The following AOPEP variants were observed in gnomAD, a reference collection of about 807,000 sequenced individuals.
AOPEP encodes aminopeptidase O (putative).
Under a neutral mutation model 98.1 loss-of-function variants are expected in AOPEP, and 77 were observed. That is an observed-to-expected ratio of 0.78 (90% CI 0.65 to 0.95). The LOEUF is 0.95. Among genes scored for constraint, AOPEP ranks in the 40% least tolerant of loss-of-function variants. The pLI is 0.00. For synonymous variants in AOPEP, 346 were observed against 365.3 expected (o/e 0.95, Z 0.60); for missense variants, 1,024 against 1,024.7 (o/e 1.00, Z 0.01).
At chr9:94,967,918 C>A in intron 10 of AOPEP, 117 bp downstream of exon 10, 2 of 851,936 alleles carry the variant, frequency 2.3e-6, no homozygotes, top group East Asian at 2.5e-5. Flanking sequence ...CTAATAGAGG[C>A]AAGGACCTAG....
chr9:94,972,505 T>A lies in AOPEP; in HGVS notation c.1916+4704T>A, dbSNP rs536029488. On this transcript the variant is annotated intron_variant, in intron 10 of 16. Transcript: ENST00000375315. The surrounding 1 kb of genome is among the most constrained non-coding windows in gnomAD (Gnocchi z 4.2). ...ACTTCTTTCCTTGCCCATCAGTTAC[T>A]GTGTTTGTGTGTGCATGTTCCTGTG... is the stretch of plus-strand genomic sequence containing the variant. Among the ~76,000 whole-genome samples the A allele has an allele frequency of 7.2e-5, 11 of 152,224 alleles. No individual in the cohort carries two copies. The highest frequency in any genetic ancestry group is 1.3e-4 in the Non-Finnish European group (9 of 68,044).
chr9:94,822,002 C>CAG (rs1441171381), intron 5 of AOPEP, among the ~76,000 whole-genome samples: 1 of 148,264 alleles, frequency 6.7e-6, no homozygotes, highest in African/African-American at 2.4e-5. Flanking sequence ...CACACACACA[C>CAG]ACACACACAC....
chr9:95,042,600 C>G (rs1333016787), intron 13 of AOPEP, among the ~76,000 whole-genome samples: 2 of 152,182 alleles, frequency 1.3e-5, no homozygotes, highest in Admixed American at 6.5e-5. Context: ...TCTGTAGGCT[C>G]TAGGAGAGAA....
chr9:94,847,161 G>C (rs71491737), intron 5 of AOPEP, among the ~76,000 whole-genome samples: 4,227 of 138,566 alleles, frequency 0.031, 90 homozygotes, highest in East Asian at 0.067. Flanking sequence ...CACTCTCTCT[G>C]TCTCTCTCTC....
chr9:94,933,841 A>G (rs906943927), intron 7 of AOPEP, among the ~76,000 whole-genome samples: 1 of 150,602 alleles, frequency 6.6e-6, no homozygotes, highest in Admixed American at 6.6e-5. Flanking sequence ...TCCGCCTCCC[A>G]TGTTCACGCC....
At chr9:94,730,035 A>C (rs1037064191) in intron 1 of AOPEP, among the ~76,000 whole-genome samples, 1 of 152,230 alleles carries the variant, frequency 6.6e-6, no homozygotes, top group Non-Finnish European at 1.5e-5. Flanking sequence ...CTGTAATCCC[A>C]GCACTTTGGA....
At chr9:94,915,931 G>A (rs537673267) in intron 5 of AOPEP, among the ~76,000 whole-genome samples, 2 of 152,314 alleles carry the variant, frequency 1.3e-5, no homozygotes, top group African/African-American at 4.8e-5. Flanking sequence ...CCCAAAGAGT[G>A]TATTTCAAAG....
At chr9:94,779,474 A>T (rs1477439063) in intron 3 of AOPEP, among the ~76,000 whole-genome samples, 4 of 152,196 alleles carry the variant, frequency 2.6e-5, no homozygotes, top group African/African-American at 9.6e-5. Context: ...GAAAGGTCTC[A>T]TGATTTACCA....
chr9:94,884,754 G>C (rs1267123623), intron 5 of AOPEP, among the ~76,000 whole-genome samples: 1 of 152,090 alleles, frequency 6.6e-6, no homozygotes, highest in Non-Finnish European at 1.5e-5. Context: ...GCTCACGCCT[G>C]TAATCCCAGC....
chr9:94,935,129 G>A (rs1300771491), intron 7 of AOPEP: 1 of 152,190 alleles, frequency 6.6e-6, no homozygotes, highest in East Asian at 1.9e-4. Context: ...TGGTGCTGTG[G>A]TCACAATAGT....
intron 5 of AOPEP, among the ~76,000 whole-genome samples, chr9:94,922,180 A>C (rs995121034): frequency 6.6e-6 from 1 of 152,198 alleles, no homozygotes; most frequent in Non-Finnish European, 1.5e-5. Context: ...TTATATTTGC[A>C]TAAATGGGCC....
At chr9:94,738,888 A>T (rs1199948657) in intron 1 of AOPEP, among the ~76,000 whole-genome samples, 1 of 152,212 alleles carries the variant, frequency 6.6e-6, no homozygotes, top group Non-Finnish European at 1.5e-5. Flanking sequence ...AAATATTTTA[A>T]ATTAATGATA....
rs1299113680 is a variant in AOPEP, at chr9:94,860,110, C to T, written c.1364+59108C>T. On this transcript the variant is annotated intron_variant, in intron 5 of 16. Transcript: ENST00000375315. ...CCTGGCAGGGCCTTGGGGCAGGTGCCTCTGAGGCAGTGATGTAGAAGCTGA... is the reference window on the plus strand; with the variant it reads ...CCTGGCAGGGCCTTGGGGCAGGTGCTTCTGAGGCAGTGATGTAGAAGCTGA... Among the ~76,000 whole-genome samples the T allele has an allele frequency of 3.3e-5, 5 of 152,178 alleles. No homozygotes were observed. The East Asian group carries it at 9.6e-4, about 29-fold the overall frequency.
At chr9:95,060,616 G>C in intron 13 of AOPEP, 78 bp from the exon 14 acceptor site, 1 of 937,122 alleles carries the variant, frequency 1.1e-6, no homozygotes, top group Non-Finnish European at 1.8e-6. Flanking sequence ...TGGGTATGTG[G>C]TCTTCAGTCT....
chr9:94,933,517 T>C (rs2137160075), intron 7 of AOPEP: 1 of 985,416 alleles, frequency 1.0e-6, no homozygotes, highest in Admixed American at 6.1e-5. Context: ...AGCTGCTGCC[T>C]CCACTTTGAT....
intron 5 of AOPEP, among the ~76,000 whole-genome samples, chr9:94,918,142 C>T (rs1463729549): frequency 6.6e-6 from 1 of 152,198 alleles, no homozygotes; most frequent in African/African-American, 2.4e-5. Flanking sequence ...TGTCACCCTC[C>T]TGGGGACTGA....
At chr9:94,939,249 G>GA (rs34773746) in intron 7 of AOPEP, among the ~76,000 whole-genome samples, 1,843 of 123,408 alleles carry the variant, frequency 0.015, 27 homozygotes, top group African/African-American at 0.037. Flanking sequence ...CTTCGTGTCA[G>GA]AAAAAAAAAA....
chr9:95,101,933 C>T, the AOPEP span: 107 of 1,519,688 alleles, frequency 7.0e-5, 5 homozygotes, highest in African/African-American at 6.4e-4. Flanking sequence ...CCATAACCAC[C>T]CAGTCCCTGA....
intron 5 of AOPEP, among the ~76,000 whole-genome samples, chr9:94,841,463 C>A (rs578262656): frequency 6.6e-6 from 1 of 152,122 alleles, no homozygotes; most frequent in Admixed American, 6.5e-5. Context: ...TGTGAGCCAA[C>A]GTGCCTGGCC....
Sources: allele counts gnomAD v4.1 joint callset (sites outside exome capture counted in the v4.1 genomes callset), GRCh38; gene constraint gnomAD v4.1.1; non-coding constraint Gnocchi (gnomAD v3.1); transcripts MANE v1.5; gene names NCBI Gene and HGNC (gene_info 2026-07-23, HGNC 2026-07-21).